The following TECR variants were observed in gnomAD, a reference collection of about 807,000 sequenced individuals.
TECR encodes very-long-chain enoyl-CoA reductase.
In TECR, 19 loss-of-function variants were observed where a neutral mutation model predicts 50.6. The ratio of observed to expected loss-of-function variants is 0.38; its 90% CI spans 0.26 to 0.55. The LOEUF (loss-of-function observed/expected upper bound fraction) is 0.55, where lower values mean the gene tolerates loss of function less well. Among genes scored for constraint, TECR ranks in the 20% least tolerant of loss-of-function variants. The pLI, the probability that TECR is intolerant of heterozygous loss-of-function variation, is 0.79. For missense variants in TECR, 313 were observed against 408.3 expected (o/e 0.77, Z 2.01); for synonymous variants, 168 against 163.5 (o/e 1.03, Z -0.21).
intron 1 of TECR, among the ~76,000 whole-genome samples, chr19:14,550,968 G>T (rs916550307): frequency 6.6e-5 from 10 of 151,682 alleles, no homozygotes; most frequent in African/African-American, 2.4e-4. Flanking sequence ...TACCACACCC[G>T]GCCGCTCCTT....
chr19:14,529,571 G>A (rs748387906), upstream of TECR: 9 of 1,458,004 alleles, frequency 6.2e-6, no homozygotes, highest in South Asian at 9.2e-5. Context: ...CGGCCTGGAG[G>A]GGCGGGGCGG....
At chr19:14,558,025 C>G (rs577482922) in intron 1 of TECR, among the ~76,000 whole-genome samples, 14 of 151,796 alleles carry the variant, frequency 9.2e-5, no homozygotes, top group East Asian at 3.9e-4. Context: ...AAAGTGCTGG[C>G]ATTACAGGCG....
intron 11 of TECR, 70 bp downstream of exon 11, chr19:14,565,360 T>C: frequency 1.3e-6 from 2 of 1,584,414 alleles, no homozygotes; most frequent in Non-Finnish European, 1.7e-6. Flanking sequence ...GCCCCTAGGA[T>C]GGGGCGCCTG....
intron 1 of TECR, 65 bp from the exon 2 acceptor site, chr19:14,562,460 G>A (rs1407810990): frequency 3.1e-6 from 5 of 1,601,504 alleles, no homozygotes; most frequent in Non-Finnish European, 4.3e-6. Context: ...GGCCTCAATG[G>A]GCTCCCCAGG....
intron 1 of TECR, among the ~76,000 whole-genome samples, chr19:14,549,274 G>A (rs1385813713): frequency 2.1e-5 from 3 of 142,436 alleles, no homozygotes; most frequent in Non-Finnish European, 4.5e-5. Context: ...GTGCAGTGGT[G>A]CGATCTCAGC....
chr19:14,544,759 A>G (rs1015027377), intron 1 of TECR, among the ~76,000 whole-genome samples: 1 of 151,846 alleles, frequency 6.6e-6, no homozygotes, highest in Admixed American at 6.6e-5. Context: ...CGGCCTCCCA[A>G]GTAGCTGAGA....
intron 1 of TECR, among the ~76,000 whole-genome samples, chr19:14,541,177 C>G (rs550790259): frequency 6.6e-6 from 1 of 151,814 alleles, no homozygotes. Context: ...GCAGTCTCAC[C>G]GTGTTGCCCA....
chr19:14,541,894 T>C (rs1332105466), intron 1 of TECR, among the ~76,000 whole-genome samples: 1 of 151,936 alleles, frequency 6.6e-6, no homozygotes, highest in Non-Finnish European at 1.5e-5. Context: ...GCGATTCTCC[T>C]GCCTCAGCCT....
intron 2 of TECR, 97 bp downstream of exon 2, chr19:14,562,672 C>T: frequency 6.5e-6 from 9 of 1,378,068 alleles, no homozygotes; most frequent in Non-Finnish European, 9.3e-6. Flanking sequence ...CCTTTGTGCC[C>T]CACCCCCTGC....
chr19:14,540,331 G>A (rs1327427765), intron 1 of TECR, among the ~76,000 whole-genome samples: 7 of 151,966 alleles, frequency 4.6e-5, no homozygotes, highest in Non-Finnish European at 1.0e-4. Context: ...GCCTCCCAAA[G>A]TGTTGGGATT....
Position 14,561,263 on chromosome 19 carries a change from C to T in TECR, c.16-1262C>T, listed in dbSNP as rs561063586. ...TTGTGTCCTGCTCCTTTTCCTCAGG[C>T]AGCCTCTGGGGGCCCCCGCTGGGTT... On this transcript the variant is annotated intron_variant, in intron 1 of 12. Transcript: ENST00000215567. Among the ~76,000 whole-genome samples the T allele has an allele frequency of 2.0e-5, 3 of 152,322 alleles. No individual in the cohort carries two copies. The South Asian group carries it at 6.2e-4, about 32-fold the overall frequency.
chr19:14,562,259 C>T (rs561493116), intron 1 of TECR: 16 of 605,644 alleles, frequency 2.6e-5, no homozygotes, highest in East Asian at 1.9e-4. Context: ...TTTCCAGCAC[C>T]GCGGCAGAAT....
chr19:14,561,996 T>G, intron 1 of TECR: 2 of 242,524 alleles, frequency 8.2e-6, no homozygotes, highest in South Asian at 1.3e-4. Context: ...CTGGGAGGTG[T>G]TGTCATGCCT....
chr19:14,549,320 C>T (rs2073412334), intron 1 of TECR, among the ~76,000 whole-genome samples: 1 of 148,444 alleles, frequency 6.7e-6, no homozygotes, highest in Non-Finnish European at 1.5e-5. Context: ...TCAAGCAGTT[C>T]TCCTGCCTCA....
At chr19:14,558,603 A>G (rs548398141) in intron 1 of TECR, among the ~76,000 whole-genome samples, 6 of 152,162 alleles carry the variant, frequency 3.9e-5, no homozygotes, top group Non-Finnish European at 8.8e-5. Context: ...GCCCCAGGCC[A>G]GAGTGCCTGC....
At chr19:14,550,136 T>G (rs962505161) in intron 1 of TECR, among the ~76,000 whole-genome samples, 3 of 152,018 alleles carry the variant, frequency 2.0e-5, no homozygotes, top group Non-Finnish European at 4.4e-5. Flanking sequence ...TCTCTCCTTC[T>G]ATAGCTGAAC....
At chr19:14,538,919 G>C (rs2072999704) in intron 1 of TECR, among the ~76,000 whole-genome samples, 1 of 151,668 alleles carries the variant, frequency 6.6e-6, no homozygotes, top group South Asian at 2.1e-4. Flanking sequence ...GGTGGAGGAA[G>C]AAGCCCAGAT....
intron 7 of TECR, 92 bp from the exon 8 acceptor site, chr19:14,564,694 C>T (rs951426846): frequency 6.0e-5 from 84 of 1,398,042 alleles, no homozygotes; most frequent in Non-Finnish European, 7.1e-5. Flanking sequence ...TCCTTTCCCA[C>T]CATGCTCCCA....
intron 1 of TECR, among the ~76,000 whole-genome samples, chr19:14,560,984 A>T (rs2073884902): frequency 6.6e-6 from 1 of 152,060 alleles, no homozygotes; most frequent in Non-Finnish European, 1.5e-5. Flanking sequence ...TGAGGCCTAG[A>T]GAGAGGTGAC....
Sources: allele counts gnomAD v4.1 joint callset (sites outside exome capture counted in the v4.1 genomes callset), GRCh38; gene constraint gnomAD v4.1.1; transcripts MANE v1.5; gene names NCBI Gene and HGNC (gene_info 2026-07-23, HGNC 2026-07-21).